GLIS3: variants seen among roughly 807,000 people sequenced by gnomAD.
GLIS3 encodes GLIS family zinc finger 3, also known as zinc finger protein GLIS3.
A neutral mutation model predicts 78.6 loss-of-function variants in GLIS3; 53 were observed. The observed-to-expected ratio is 0.67, with a 90% confidence interval of 0.54 to 0.85. The LOEUF (loss-of-function observed/expected upper bound fraction) is 0.85, where lower values mean the gene tolerates loss of function less well. Ranked by LOEUF, GLIS3 falls within the 40% of genes least tolerant of loss-of-function variation. GLIS3 has a pLI of 0.00. For missense variants in GLIS3, 1,703 were observed against 1,231.1 expected, an observed-to-expected ratio of 1.38 and a Z score of -5.74; for synonymous variants, 684 against 509.9, an observed-to-expected ratio of 1.34 and a Z score of -4.60.
intron 4 of GLIS3, among the ~76,000 whole-genome samples, chr9:4,059,746 T>C (rs1180702169): frequency 1.3e-5 from 2 of 151,178 alleles, no homozygotes; most frequent in Non-Finnish European, 2.9e-5. Flanking sequence ...TTGCCAGGGA[T>C]GAAAGCAGGC....
At position 4,117,979 on chromosome 9, in the gene GLIS3, T is replaced by A. The variant is rs1329966228; in HGVS notation, c.1499A>T (p.His500Leu). 2.5e-6 allele frequency: 4 copies of A among 1,612,872 alleles called. No homozygotes were observed. The African/African-American group carries it at 5.3e-5, about 22-fold the overall frequency. Residue 500 changes from histidine to leucine, a missense_variant, in exon 4 of 11, where the codon CAT becomes CTT. By Grantham distance (99) the His-to-Leu change is moderately conservative. Coordinates refer to ENST00000381971, the MANE Select transcript of GLIS3 (RefSeq NM_001042413.2). ...GCTGCAGTCGATCCAGCGGCAGCAATGCTTGCCCCCGATGCCGTCCATCTC... is the reference window on the plus strand; with the variant it reads ...GCTGCAGTCGATCCAGCGGCAGCAAAGCTTGCCCCCGATGCCGTCCATCTC... ...DGEMDGIGGKHCCRWIDCSAL... is the reference protein window; with the variant it reads ...DGEMDGIGGKLCCRWIDCSAL...
At chr9:4,198,461 G>C (rs1382421202) in intron 2 of GLIS3, among the ~76,000 whole-genome samples, 1 of 152,010 alleles carries the variant, frequency 6.6e-6, no homozygotes, top group African/African-American at 2.4e-5. Flanking sequence ...AGGAATTTCA[G>C]AGCTTAAAAA....
At chr9:4,075,166 G>C (rs781539366) in intron 4 of GLIS3, among the ~76,000 whole-genome samples, 1 of 147,752 alleles carries the variant, frequency 6.8e-6, no homozygotes, top group African/African-American at 2.6e-5. Context: ...CTGTGGCGAT[G>C]GTACCACGAG....
At chr9:4,100,530 G>A (rs1187027585) in intron 4 of GLIS3, among the ~76,000 whole-genome samples, 1 of 152,124 alleles carries the variant, frequency 6.6e-6, no homozygotes, top group Non-Finnish European at 1.5e-5. Flanking sequence ...ACATTTTCTG[G>A]AATAACCAAA....
chr9:3,829,461 G>A lies in GLIS3; in HGVS notation c.2505C>T (p.Pro835=), dbSNP rs1390366370. 1.9e-6 allele frequency: 3 copies of A among 1,614,016 alleles called. No homozygotes were observed. The highest frequency in any genetic ancestry group is 2.2e-5 in the East Asian group (1 of 44,894). The change falls in exon 10 of 11, where the codon CCC becomes CCT. Residue 835 remains proline (P), a synonymous_variant. Coordinates refer to ENST00000381971, the MANE Select transcript of GLIS3 (RefSeq NM_001042413.2). ...TTCTCTGGGAATCGGGGTAGTGTGGGGGACAGAACTTCTGCAGCTGCCCAT... is the reference window on the plus strand; with the variant it reads ...TTCTCTGGGAATCGGGGTAGTGTGGAGGACAGAACTTCTGCAGCTGCCCAT... ...GFYGQLQKFC[P]PHYPDSQRIV...
rs1164550076 is a variant in GLIS3 at position 3,977,946 on chromosome 9, C to G, written c.1711-40757G>C. Reference sequence around the variant, plus strand: ...AGTGTGAAATGGTAATATTTCATGACAGCGAAAGGCCAGTTGACACCGCTG... The same window carrying G: ...AGTGTGAAATGGTAATATTTCATGAGAGCGAAAGGCCAGTTGACACCGCTG... On this transcript the variant is annotated intron_variant, in intron 4 of 10. Transcript: ENST00000381971. This position sits in a 1 kb window ranked among gnomAD's most constrained non-coding sequence, Gnocchi z 4.1. Among the ~76,000 whole-genome samples, 2 of 152,198 alleles carry G rather than the reference C, an allele frequency of 1.3e-5. No homozygotes were observed. The highest frequency in any genetic ancestry group is 2.9e-5 in the Non-Finnish European group (2 of 68,038).
intron 2 of GLIS3, chr9:4,144,796 T>C (rs1399346578): frequency 1.3e-5 from 2 of 152,226 alleles, no homozygotes; most frequent in East Asian, 3.9e-4. Context: ...TATTTTTTGC[T>C]TCTCGTAAAC....
chr9:4,206,062 G>A (rs989482458), intron 2 of GLIS3, among the ~76,000 whole-genome samples: 5 of 152,108 alleles, frequency 3.3e-5, no homozygotes, highest in African/African-American at 9.7e-5. Flanking sequence ...AGAGTTGAAG[G>A]TATGGAAGGG....
intron 2 of GLIS3, among the ~76,000 whole-genome samples, chr9:4,181,065 G>A (rs950217295): frequency 4.6e-5 from 7 of 152,200 alleles, no homozygotes; most frequent in Non-Finnish European, 8.8e-5. Context: ...TCCAGGCACA[G>A]GCATGTCATT....
chr9:4,137,177 G>C (rs1285642776), intron 2 of GLIS3, among the ~76,000 whole-genome samples: 1 of 152,144 alleles, frequency 6.6e-6, no homozygotes, highest in Non-Finnish European at 1.5e-5. Flanking sequence ...TAAAGATTTA[G>C]GCGATCACAT....
chr9:4,160,805 T>C (rs1835412240), intron 2 of GLIS3, among the ~76,000 whole-genome samples: 1 of 152,244 alleles, frequency 6.6e-6, no homozygotes, highest in Admixed American at 6.5e-5. Flanking sequence ...TGGAGGCATG[T>C]AGATGACTTC....
chr9:4,063,243 C>T (rs533030828), intron 4 of GLIS3, among the ~76,000 whole-genome samples: 1 of 151,920 alleles, frequency 6.6e-6, no homozygotes, highest in Non-Finnish European at 1.5e-5. Flanking sequence ...TTTTTATTCC[C>T]CACTTAGTGA....
chr9:4,242,363 T>C (rs913577804), intron 2 of GLIS3, among the ~76,000 whole-genome samples: 4 of 152,156 alleles, frequency 2.6e-5, no homozygotes, highest in Non-Finnish European at 4.4e-5. Context: ...GGAAATCCTA[T>C]ACTTATTGCT....
At chr9:4,144,419 ACAGGAAAGTTGT>A (rs1834051664) in intron 2 of GLIS3, among the ~76,000 whole-genome samples, 1 of 152,240 alleles carries the variant, frequency 6.6e-6, no homozygotes, top group African/African-American at 2.4e-5. Context: ...GTATCTGAAG[ACAGGAAAGTTGT>A]CAGGTTTCTC....
At chr9:4,234,110 A>C (rs1359939972) in intron 2 of GLIS3, among the ~76,000 whole-genome samples, 1 of 149,440 alleles carries the variant, frequency 6.7e-6, no homozygotes, top group African/African-American at 2.5e-5. Flanking sequence ...AGACCACTCA[A>C]ACTTTCTCCG....
At chr9:4,037,705 C>T (rs976797022) in intron 4 of GLIS3, among the ~76,000 whole-genome samples, 3 of 152,164 alleles carry the variant, frequency 2.0e-5, no homozygotes, top group Non-Finnish European at 2.9e-5. Flanking sequence ...CCAACAGACT[C>T]GGAGTCACCA....
Position 3,849,616 on chromosome 9 carries a change from C to T in GLIS3, c.2473+6393G>A, listed in dbSNP as rs144556097. Among the ~76,000 whole-genome samples the T allele has an allele frequency of 2.7e-4, 41 of 152,228 alleles. No homozygotes were observed. The East Asian group carries it at 5.8e-3, about 22-fold the overall frequency. On this transcript the variant is annotated intron_variant, in intron 9 of 10. Transcript: ENST00000381971. ...CACTGTTTCCTGTTAGACGTCTTGT[C>T]ATGAGAGAAGGCTAAGGGCGGTGGC...
chr9:4,234,513 C>T (rs994626774), intron 2 of GLIS3, among the ~76,000 whole-genome samples: 2 of 152,136 alleles, frequency 1.3e-5, no homozygotes, highest in African/African-American at 4.8e-5. Flanking sequence ...GTTCATGACA[C>T]CCTAAAACAA....
chr9:3,913,538 G>A (rs139962215), intron 6 of GLIS3, among the ~76,000 whole-genome samples: 5 of 152,272 alleles, frequency 3.3e-5, no homozygotes, highest in Non-Finnish European at 7.4e-5. Flanking sequence ...GTCTCATGCT[G>A]TACTTCTGGC....
Sources: gnomAD v4.1 joint callset for allele counts (sites outside exome capture counted in the v4.1 genomes callset) on GRCh38, gnomAD v4.1.1 for gene constraint, Gnocchi (gnomAD v3.1) non-coding constraint, MANE v1.5 for transcripts, NCBI Gene and HGNC (gene_info 2026-07-23, HGNC 2026-07-21) for gene names.